The following PTCH2 variants were observed in gnomAD, a reference collection of about 807,000 sequenced individuals.
PTCH2 encodes the protein protein patched homolog 2.
PTCH2 carries 96 observed loss-of-function variants against 117.9 expected under a neutral mutation model. The observed-to-expected ratio is 0.81, with a 90% CI of 0.69 to 0.96. PTCH2 has a LOEUF of 0.96. Ranked by LOEUF, PTCH2 falls within the 50% of genes least tolerant of loss-of-function variation. The pLI, the probability that PTCH2 is intolerant of heterozygous loss-of-function variation, is 0.00. For missense variants in PTCH2, 1,379 were observed against 1,562.5 expected, an observed-to-expected ratio of 0.88 and a Z score of 1.98; for synonymous variants, 615 against 660.9, an observed-to-expected ratio of 0.93 and a Z score of 1.06.
Position 44,823,293 on chromosome 1 carries a change from T to C in PTCH2, c.3207A>G (p.Thr1069=). ...FAPVTDGAIS[T]LLGLLMLAGS... is the part of the protein sequence containing the mutation. Reference sequence around the variant, plus strand: ...CAGCAAGCATGAGCAGACCCAGCAATGTGGAGATGGCCCCATCGGTCACGG... The same window carrying C: ...CAGCAAGCATGAGCAGACCCAGCAACGTGGAGATGGCCCCATCGGTCACGG... The change falls in exon 20 of 22, where the codon ACA becomes ACG. Residue 1069 remains threonine (T), a synonymous_variant. Coordinates refer to ENST00000372192, the MANE Select transcript of PTCH2 (RefSeq NM_003738.5). The surrounding 1 kb of genome is among the most constrained non-coding windows in gnomAD (Gnocchi z 5.1). 6.2e-7 allele frequency: 1 copy of C among 1,613,996 alleles called. No individual in the cohort carries two copies. The highest frequency in any genetic ancestry group is 2.2e-5 in the East Asian group (1 of 44,868).
chr1:44,822,376 A>G lies in PTCH2; in HGVS notation c.*39T>C. 6.2e-7 allele frequency: 1 copy of G among 1,612,494 alleles called. No individual in the cohort carries two copies. Among genetic ancestry groups the G allele is most frequent in the Non-Finnish European group, 8.5e-7 (1 of 1,180,010 alleles). On this transcript the variant is annotated 3_prime_UTR_variant, in exon 22 of 22. Coordinates refer to ENST00000372192, the MANE Select transcript of PTCH2 (RefSeq NM_003738.5). ...AGACCCAGTGCTTCCCAGTGACCCC[A>G]CACGCCCCACACATGGTCTCTGTGC...
At chr1:44,842,663 T>C (rs1654006811) in intron 1 of PTCH2, among the ~76,000 whole-genome samples, 198 bp downstream of exon 1, 1 of 152,160 alleles carries the variant, frequency 6.6e-6, no homozygotes, top group South Asian at 2.1e-4. Context: ...CAGACATTCA[T>C]TCTCACTGGC....
chr1:44,823,083 C>A lies in PTCH2; in HGVS notation c.3343G>T (p.Gly1115Cys). The A allele has an allele frequency of 6.2e-7, 1 of 1,613,460 alleles. No homozygotes were observed. The highest frequency in any genetic ancestry group is 8.5e-7 in the Non-Finnish European group (1 of 1,179,876). The change falls in exon 21 of 22, where the codon GGC becomes TGC. Residue 1115 changes from glycine to cysteine, a missense_variant. Transcript: ENST00000372192. This position sits in a 1 kb window ranked among gnomAD's most constrained non-coding sequence, Gnocchi z 5.1. ...VLLPVLLSIL[G>C]PPPEVIQMYK... ...GGTGTGGTCACCTCTGGCGGCGGGC[C>A]CAGGATGGACAGCAGCACAGGCAGC...
chr1:44,820,094 T>C (rs866865902), downstream of PTCH2: 8 of 309,736 alleles, frequency 2.6e-5, no homozygotes, highest in Admixed American at 4.6e-5. Flanking sequence ...CTATATGTAG[T>C]TTATGCACAC....
chr1:44,828,292 G>C lies in PTCH2; in HGVS notation c.1709+4C>G. Reference sequence around the variant, plus strand: ...GGAGGAAGGGGCTGGGGCGCAGGCAGTACCTGGAGAAGCAGCAGAGCACAT... The same window carrying C: ...GGAGGAAGGGGCTGGGGCGCAGGCACTACCTGGAGAAGCAGCAGAGCACAT... On this transcript the variant is annotated splice_donor_region_variant and intron_variant, in intron 13 of 21. Coordinates refer to ENST00000372192, the MANE Select transcript of PTCH2 (RefSeq NM_003738.5). 6.2e-7 allele frequency: 1 copy of C among 1,613,874 alleles called. No homozygotes were observed. The highest frequency in any genetic ancestry group is 8.5e-7 in the Non-Finnish European group (1 of 1,179,828).
At chr1:44,828,769 A>G in intron 11 of PTCH2, 138 bp from the exon 12 acceptor site, 5 of 1,320,214 alleles carry the variant, frequency 3.8e-6, no homozygotes, top group Non-Finnish European at 5.3e-6. Context: ...ATTGGGTACC[A>G]TGTACGTATG....
In PTCH2 at chr1:44,834,636, C is replaced by T. The variant is rs146798801; in HGVS notation, c.266-2295G>A. Among the ~76,000 whole-genome samples, 8 of 152,112 alleles carry T rather than the reference C, an allele frequency of 5.3e-5. No homozygotes were observed. The East Asian group carries it at 9.6e-4, about 18-fold the overall frequency. The stretch of plus-strand genomic sequence containing the variant: ...GATAAGAAAGCAAGAGAAAGAAACA[C>T]GGATAATTTAAAATGGAGCATCAAA... On this transcript the variant is annotated intron_variant, in intron 2 of 21. Transcript: ENST00000372192.
rs1007882474 is a variant in PTCH2 at position 44,838,310 on chromosome 1, C to T, written c.265+3537G>A. Among the ~76,000 whole-genome samples the T allele has an allele frequency of 5.9e-5, 9 of 152,278 alleles. No homozygotes were observed. The South Asian group carries it at 1.5e-3, about 25-fold the overall frequency. On this transcript the variant is annotated intron_variant, in intron 2 of 21. Coordinates refer to ENST00000372192, the MANE Select transcript of PTCH2 (RefSeq NM_003738.5). ...AGGCTGGAGTACAAAGACGCGATCT[C>T]GGCTCACTGCAAACTCTGCCTCCCG...
At chr1:44,829,787 G>A (rs1007956392) in intron 7 of PTCH2, 26 bp from the exon 8 acceptor site, 2 of 1,614,020 alleles carry the variant, frequency 1.2e-6, no homozygotes, top group Non-Finnish European at 1.7e-6. Flanking sequence ...GAGAACCAGG[G>A]GTCAGAGCTG....
Position 44,843,059 on chromosome 1 carries a change from G to C in PTCH2, c.-127C>G. The stretch of plus-strand genomic sequence containing the variant: ...TCAGTGGGGCCGCCAAGGCGCGGGC[G>C]TGGGAGAGACTGTGGGGTGTGGGTG... On this transcript the variant is annotated 5_prime_UTR_variant, in exon 1 of 22. Transcript: ENST00000372192. 1 of 1,428,324 alleles carries C rather than the reference G, an allele frequency of 7.0e-7. No homozygotes were observed. The highest frequency in any genetic ancestry group is 9.1e-7 in the Non-Finnish European group (1 of 1,095,794). The allele number at this position is 1,428,324 out of a possible 1,614,324, so 88.5% of individuals were successfully genotyped here.
In PTCH2 at chr1:44,832,216, C is replaced by CT. The variant is rs756226400; in HGVS notation, c.390dup (p.Ala131SerfsTer14). ...GCTGCCTGGAGGTGGAGGCCAAGTG[C>CT]TTCGGGTGTGAGGATGTTCTCTCCC... On this transcript the variant is annotated frameshift_variant, in exon 3 of 22. Coordinates refer to ENST00000372192, the MANE Select transcript of PTCH2 (RefSeq NM_003738.5). LOFTEE classifies it high-confidence loss of function. 3 of 1,614,032 alleles carry CT rather than the reference C, an allele frequency of 1.9e-6. No individual in the cohort carries two copies. The highest frequency in any genetic ancestry group is 2.5e-6 in the Non-Finnish European group (3 of 1,180,040).
chr1:44,830,219 G>C (rs1653370522), intron 6 of PTCH2, among the ~76,000 whole-genome samples, 189 bp from the exon 7 acceptor site: 1 of 124,092 alleles, frequency 8.1e-6, no homozygotes. Context: ...GAAGCCCCAA[G>C]GGGAAGCAGA....
At chr1:44,835,928 A>G (rs1653665370) in intron 2 of PTCH2, among the ~76,000 whole-genome samples, 2 of 152,136 alleles carry the variant, frequency 1.3e-5, no homozygotes, top group Admixed American at 1.3e-4. Flanking sequence ...GAGGGCCTAG[A>G]GTGTGTGCTA....
rs1413994443 is a variant in PTCH2 at position 44,830,009 on chromosome 1, G to A, written c.835C>T (p.Leu279=). 1 of 1,614,102 alleles carries A rather than the reference G, an allele frequency of 6.2e-7. No homozygotes were observed. Among genetic ancestry groups the A allele is most frequent in the Non-Finnish European group, 8.5e-7 (1 of 1,179,998 alleles). Residue 279 remains leucine, a synonymous_variant, in exon 7 of 22, where the codon CTG becomes TTG. Transcript: ENST00000372192. ...SRQAPNVAHE[L]SGGCHGFSHK... is the part of the protein sequence containing the mutation. ...GAGAAGCCATGGCAGCCCCCACTCA[G>A]CTCGTGAGCCACATTGGGAGCCTGG...
chr1:44,820,959 G>A (rs1232875520), downstream of PTCH2, among the ~76,000 whole-genome samples: 1 of 152,138 alleles, frequency 6.6e-6, no homozygotes, highest in Non-Finnish European at 1.5e-5. Flanking sequence ...GAGCTTTTTA[G>A]GCATTTTAGC....
downstream of PTCH2, chr1:44,820,312 C>G (rs189882698): frequency 2.3e-5 from 11 of 488,098 alleles, no homozygotes; most frequent in East Asian, 4.6e-4. Flanking sequence ...TCCTGGGACC[C>G]GCACCCCGTG....
chr1:44,839,824 C>A (rs527720966), intron 2 of PTCH2, among the ~76,000 whole-genome samples: 1 of 152,022 alleles, frequency 6.6e-6, no homozygotes, highest in Non-Finnish European at 1.5e-5. Context: ...ATGTGAGAGT[C>A]TGCAGGGCTG....
chr1:44,819,845 T>C (rs559705439), downstream of PTCH2: 2 of 152,702 alleles, frequency 1.3e-5, no homozygotes, highest in East Asian at 1.9e-4. Flanking sequence ...ACCAAGTTCC[T>C]TGGTTGTAGT....
chr1:44,820,707 G>A, downstream of PTCH2: 1 of 718,398 alleles, frequency 1.4e-6, no homozygotes, highest in Non-Finnish European at 2.6e-6. Flanking sequence ...CCTCGGGCCT[G>A]GAAAGATGAA....
Sources: gnomAD v4.1 joint callset for allele counts (sites outside exome capture counted in the v4.1 genomes callset) on GRCh38, gnomAD v4.1.1 for gene constraint, Gnocchi (gnomAD v3.1) non-coding constraint, MANE v1.5 for transcripts, NCBI Gene and HGNC (gene_info 2026-07-23, HGNC 2026-07-21) for gene names.